VPS37A: variants seen among roughly 807,000 people sequenced by gnomAD.
VPS37A encodes VPS37A subunit of ESCRT-I.
Under a neutral mutation model 49.8 loss-of-function variants are expected in VPS37A, and 30 were observed. The ratio of observed to expected loss-of-function variants is 0.60; its 90% CI spans 0.45 to 0.82. The LOEUF (loss-of-function observed/expected upper bound fraction) is 0.82. VPS37A is among the 40% of genes least tolerant of loss of function. The probability of loss-of-function intolerance (pLI) is 0.00; values close to 1 mark genes in which losing one functional copy is unlikely to be tolerated. For synonymous variants in VPS37A, 195 were observed against 160.6 expected (o/e 1.21, Z -1.62); for missense variants, 593 against 464.4 (o/e 1.28, Z -2.55).
chr8:17,257,784 A>AT (rs1184106608), intron 1 of VPS37A, among the ~76,000 whole-genome samples: 3 of 151,940 alleles, frequency 2.0e-5, no homozygotes, highest in East Asian at 1.9e-4. Flanking sequence ...ATATGTTTCC[A>AT]TTTTTTTTGT....
At position 17,274,944 on chromosome 8, in the gene VPS37A, GA is replaced by G; in HGVS notation, c.629del (p.Asp210ValfsTer28). ...TCTGCCATTACCCATTCCCACAGTG[GA>G]TGCTTCAATACCGGTTGGTATCGTC... is the stretch of plus-strand genomic sequence containing the variant. Reference protein sequence around the residue: ...SNLPLPIPTVDASIPTSQNGF... With the variant: ...SNLPLPIPTVXASIPTSQNGF... On this transcript the variant is annotated frameshift_variant, in exon 5 of 12. Coordinates refer to ENST00000324849, the MANE Select transcript of VPS37A (RefSeq NM_152415.3). LOFTEE classifies it high-confidence loss of function. 1 of 1,614,016 alleles carries G rather than the reference GA, an allele frequency of 6.2e-7. No individual in the cohort carries two copies.
At chr8:17,304,400 G>A, downstream of VPS37A, 1 of 1,613,924 alleles carries the variant, frequency 6.2e-7, no homozygotes, top group South Asian at 1.1e-5. Flanking sequence ...GTTACATGGT[G>A]TTGTAGGGAG....
In VPS37A at chr8:17,262,799, A is replaced by T. The variant is rs149342308; in HGVS notation, c.126-3108A>T. 8.3e-4 allele frequency among the ~76,000 whole-genome samples: 127 copies of T among 152,260 alleles called. No homozygotes were observed. The East Asian group carries it at 0.019, about 23-fold the overall frequency. ...TATTGTAGGCCGGACACGGTGACTC[A>T]CGCCTGTAATCCTAGCACTTTGGGA... On this transcript the variant is annotated intron_variant, in intron 1 of 11. Transcript: ENST00000324849.
At chr8:17,285,268 C>G (rs912309196) in intron 10 of VPS37A, among the ~76,000 whole-genome samples, 25 of 152,156 alleles carry the variant, frequency 1.6e-4, no homozygotes, top group African/African-American at 5.6e-4. Flanking sequence ...ATGGTAGTAT[C>G]TGTATCATTC....
downstream of VPS37A, chr8:17,305,727 G>A (rs1817405508): frequency 6.4e-7 from 1 of 1,559,394 alleles, no homozygotes; most frequent in Non-Finnish European, 8.8e-7. Flanking sequence ...TTAAATAAAA[G>A]TTAAACACCA....
chr8:17,323,209 A>G, the VPS37A span, among the ~76,000 whole-genome samples: 1 of 151,922 alleles, frequency 6.6e-6, no homozygotes, highest in South Asian at 2.1e-4. Flanking sequence ...AGCCTCCCAC[A>G]GTGCTGAGAT....
At chr8:17,332,876 C>T in the VPS37A span, among the ~76,000 whole-genome samples, 29 of 152,164 alleles carry the variant, frequency 1.9e-4, no homozygotes, top group African/African-American at 4.6e-4. Flanking sequence ...GTATAGAAAA[C>T]GGTACCAATT....
At chr8:17,304,501 G>C, downstream of VPS37A, 2 of 1,613,530 alleles carry the variant, frequency 1.2e-6, no homozygotes, top group Non-Finnish European at 1.7e-6. Flanking sequence ...CCCATAATGA[G>C]TATGTTCTTT....
At chr8:17,275,532 A>G (rs1814437043) in intron 5 of VPS37A, among the ~76,000 whole-genome samples, 1 of 152,196 alleles carries the variant, frequency 6.6e-6, no homozygotes, top group Non-Finnish European at 1.5e-5. Context: ...GGGCAAAGGC[A>G]GAAGAATGAT....
intron 1 of VPS37A, among the ~76,000 whole-genome samples, chr8:17,251,716 A>G (rs1811998735): frequency 6.6e-6 from 1 of 152,208 alleles, no homozygotes; most frequent in Non-Finnish European, 1.5e-5. Context: ...GTAAACAGCA[A>G]TTGTTACTGT....
chr8:17,266,353 A>G (rs1030799400), intron 2 of VPS37A, among the ~76,000 whole-genome samples: 1 of 152,394 alleles, frequency 6.6e-6, no homozygotes, highest in Non-Finnish European at 1.5e-5. Context: ...AAGTTAAAAT[A>G]TTCCAAATTT....
the VPS37A span, among the ~76,000 whole-genome samples, chr8:17,308,763 C>T: frequency 2.0e-5 from 3 of 152,238 alleles, no homozygotes; most frequent in East Asian, 1.9e-4. Flanking sequence ...ACAGCCCAGA[C>T]GTCCAAGGCC....
At chr8:17,277,899 C>CAG (rs1563271757) in intron 6 of VPS37A, among the ~76,000 whole-genome samples, 1 of 148,604 alleles carries the variant, frequency 6.7e-6, no homozygotes, top group Non-Finnish European at 1.5e-5. Flanking sequence ...CACACACACA[C>CAG]ACAGACATAT....
At chr8:17,313,307 T>C in the VPS37A span, 1 of 1,612,016 alleles carries the variant, frequency 6.2e-7, no homozygotes, top group Non-Finnish European at 8.5e-7. Context: ...CAATGAAGAT[T>C]CCTGCATCCA....
chr8:17,322,282 C>T, the VPS37A span, among the ~76,000 whole-genome samples: 1 of 152,158 alleles, frequency 6.6e-6, no homozygotes, highest in African/African-American at 2.4e-5. Context: ...ATGGCCTGTA[C>T]GAGCGAAGTG....
At chr8:17,324,702 A>T in the VPS37A span, among the ~76,000 whole-genome samples, 14 of 152,220 alleles carry the variant, frequency 9.2e-5, no homozygotes, top group African/African-American at 2.9e-4. Context: ...AGGCCATACA[A>T]ACTGCTATTT....
At chr8:17,272,434 G>C (rs1202209150) in intron 4 of VPS37A, among the ~76,000 whole-genome samples, 4 of 152,150 alleles carry the variant, frequency 2.6e-5, no homozygotes, top group African/African-American at 9.7e-5. Flanking sequence ...TGTAGTAATA[G>C]GGCTGGATAT....
chr8:17,248,751 G>C lies in VPS37A; in HGVS notation c.125+1382G>C, dbSNP rs573680970. On this transcript the variant is annotated intron_variant, in intron 1 of 11. Coordinates refer to ENST00000324849, the MANE Select transcript of VPS37A (RefSeq NM_152415.3). ...AGGCCTGATGCTGACTGAACTTTAG[G>C]TGTTTCTTGGTTCGTTGTCTCAATT... Among the ~76,000 whole-genome samples the C allele has an allele frequency of 6.6e-5, 10 of 152,204 alleles. No individual in the cohort carries two copies. In the South Asian group the frequency reaches 2.1e-3, roughly 32 times the overall value.
chr8:17,323,046 C>G, the VPS37A span, among the ~76,000 whole-genome samples: 18,848 of 149,090 alleles, frequency 0.13, 1,627 homozygotes, highest in East Asian at 0.32. Context: ...CTCCCGGATT[C>G]AAGCAATTCT....
Sources: allele counts gnomAD v4.1 joint callset (sites outside exome capture counted in the v4.1 genomes callset), GRCh38; gene constraint gnomAD v4.1.1; transcripts MANE v1.5; gene names NCBI Gene and HGNC (gene_info 2026-07-23, HGNC 2026-07-21).